The following ZDHHC13 variants were observed in gnomAD, a reference collection of about 807,000 sequenced individuals.
The protein encoded by ZDHHC13 is palmitoyltransferase ZDHHC13.
Under a neutral mutation model 86.0 loss-of-function variants are expected in ZDHHC13, and 85 were observed. That is an observed-to-expected ratio of 0.99 (90% CI 0.83 to 1.18). The LOEUF (loss-of-function observed/expected upper bound fraction) is 1.18. ZDHHC13 is among the 50% of genes most tolerant of loss of function. The pLI, the probability that ZDHHC13 is intolerant of heterozygous loss-of-function variation, is 0.00. For missense variants in ZDHHC13, 711 were observed against 730.2 expected (o/e 0.97, Z 0.30); for synonymous variants, 263 against 246.4 (o/e 1.07, Z -0.63).
chr11:19,136,503 G>C (rs923133071), intron 1 of ZDHHC13, among the ~76,000 whole-genome samples: 13 of 152,184 alleles, frequency 8.5e-5, no homozygotes, highest in African/African-American at 2.9e-4. Flanking sequence ...CACTCTGCAG[G>C]CTATTATCCA....
chr11:19,143,853 C>T (rs1462231698), intron 2 of ZDHHC13, among the ~76,000 whole-genome samples: 1 of 152,142 alleles, frequency 6.6e-6, no homozygotes, highest in Non-Finnish European at 1.5e-5. Flanking sequence ...GTATTTTGTA[C>T]ATCAGACTAC....
intron 1 of ZDHHC13, 130 bp from the exon 2 acceptor site, chr11:19,142,848 A>G: frequency 4.0e-6 from 4 of 1,008,912 alleles, no homozygotes; most frequent in Non-Finnish European, 5.5e-6. Context: ...CATTCTCAGG[A>G]TACACTTCTA....
At chr11:19,127,763 C>T (rs1004249780) in intron 1 of ZDHHC13, among the ~76,000 whole-genome samples, 24 of 152,034 alleles carry the variant, frequency 1.6e-4, no homozygotes, top group African/African-American at 5.1e-4. Flanking sequence ...TAGTCATAGG[C>T]GTGCAGCCTT....
At chr11:19,135,131 G>A (rs927943273) in intron 1 of ZDHHC13, among the ~76,000 whole-genome samples, 2 of 152,226 alleles carry the variant, frequency 1.3e-5, no homozygotes, top group African/African-American at 2.4e-5. Flanking sequence ...CGCAGAAGAC[G>A]GGTGATTTCT....
chr11:19,147,677 A>G lies in ZDHHC13; in HGVS notation c.374+4A>G. The stretch of plus-strand genomic sequence containing the variant: ...CTCCTCTTCACTGGGCCATCCGGTA[A>G]GGTTTCTTTGAACACTGAAATTAAA... On this transcript the variant is annotated splice_donor_region_variant and intron_variant, in intron 4 of 16. Coordinates refer to ENST00000446113, the MANE Select transcript of ZDHHC13 (RefSeq NM_019028.3). 2 of 1,592,302 alleles carry G rather than the reference A, an allele frequency of 1.3e-6. No individual in the cohort carries two copies. The highest frequency in any genetic ancestry group is 1.7e-6 in the Non-Finnish European group (2 of 1,167,932).
chr11:19,152,232 C>G lies in ZDHHC13; in HGVS notation c.659C>G (p.Pro220Arg). The change falls in exon 7 of 17, where the codon CCA (proline) becomes CGA (arginine). Residue 220 changes from proline (P) to arginine (R), a missense_variant. Coordinates refer to ENST00000446113, the MANE Select transcript of ZDHHC13 (RefSeq NM_019028.3). ...NVVDKIHQNTPLHWAVAAGNV... is the reference protein window; with the variant it reads ...NVVDKIHQNTRLHWAVAAGNV... ...GTTGATAAAATACACCAAAACACTC[C>G]ACTTCACTGGGCAGTTGCAGCAGGA... 1 of 1,613,372 alleles carries G rather than the reference C, an allele frequency of 6.2e-7. No homozygotes were observed. The highest frequency in any genetic ancestry group is 8.5e-7 in the Non-Finnish European group (1 of 1,179,504).
intron 6 of ZDHHC13, 97 bp from the exon 7 acceptor site, chr11:19,152,061 A>G (rs1849622164): frequency 7.7e-7 from 1 of 1,301,304 alleles, no homozygotes; most frequent in African/African-American, 1.5e-5. Flanking sequence ...CTGAATGGTT[A>G]ATTGATGGCA....
intron 3 of ZDHHC13, 35 bp downstream of exon 3, chr11:19,146,338 T>C (rs1849466269): frequency 1.3e-6 from 2 of 1,595,338 alleles, no homozygotes; most frequent in Non-Finnish European, 1.7e-6. Context: ...TGTGTATTTA[T>C]AATTTTAGAC....
chr11:19,149,397 T>G, intron 5 of ZDHHC13, 66 bp downstream of exon 5: 1 of 1,371,962 alleles, frequency 7.3e-7, no homozygotes, highest in Non-Finnish European at 9.6e-7. Context: ...AAATTATTAG[T>G]AGTAGTCTCT....
At chr11:19,136,452 G>T (rs1849144125) in intron 1 of ZDHHC13, among the ~76,000 whole-genome samples, 1 of 152,218 alleles carries the variant, frequency 6.6e-6, no homozygotes, top group South Asian at 2.1e-4. Context: ...TCTGATTGGT[G>T]TACCTGAAAG....
chr11:19,120,867 A>T (rs1413839673), intron 1 of ZDHHC13, among the ~76,000 whole-genome samples: 1 of 152,210 alleles, frequency 6.6e-6, no homozygotes, highest in Non-Finnish European at 1.5e-5. Flanking sequence ...GAGGAAGTAA[A>T]ATGGAATAGA....
At chr11:19,174,178 C>G (rs751990096) in intron 16 of ZDHHC13, among the ~76,000 whole-genome samples, 9 of 152,202 alleles carry the variant, frequency 5.9e-5, no homozygotes, top group Non-Finnish European at 1.0e-4. Context: ...AAACACCAGA[C>G]AAAGGGATGA....
chr11:19,122,942 G>A (rs1321581582), intron 1 of ZDHHC13, among the ~76,000 whole-genome samples: 2 of 152,010 alleles, frequency 1.3e-5, no homozygotes, highest in African/African-American at 4.8e-5. Flanking sequence ...ATCTGCATGC[G>A]GGTAAACAAT....
chr11:19,129,511 A>G (rs539363801), intron 1 of ZDHHC13, among the ~76,000 whole-genome samples: 163 of 152,222 alleles, frequency 1.1e-3, no homozygotes, highest in Non-Finnish European at 2.2e-3. Flanking sequence ...TAAATGCTTT[A>G]TTCTACTGTG....
chr11:19,153,489 A>G (rs1230806246), intron 8 of ZDHHC13, among the ~76,000 whole-genome samples: 2 of 152,242 alleles, frequency 1.3e-5, no homozygotes, highest in Non-Finnish European at 2.9e-5. Context: ...GTAGAGGATC[A>G]TCATGAATGC....
At chr11:19,131,206 G>A (rs970059812) in intron 1 of ZDHHC13, among the ~76,000 whole-genome samples, 1 of 152,186 alleles carries the variant, frequency 6.6e-6, no homozygotes, top group Non-Finnish European at 1.5e-5. Context: ...TTTCAGTAGA[G>A]ACGGGGTTTC....
rs367839254 is a variant in ZDHHC13 at position 19,152,661 on chromosome 11, T to A, written c.850T>A (p.Trp284Arg). Residue 284 changes from tryptophan to arginine, a missense_variant, in exon 8 of 17, where the codon TGG (tryptophan) becomes AGG (arginine). Physicochemically the swap from Trp to Arg is moderately radical, Grantham distance 101. Coordinates refer to ENST00000446113, the MANE Select transcript of ZDHHC13 (RefSeq NM_019028.3). ...GAGAGCCAACCAAAAGTTCAGACTT[T>A]GGAGGTGGCTGCAGAAATGCGAGGT... ...KMRANQKFRL[W>R]RWLQKCELFL... 5.0e-6 allele frequency: 8 copies of A among 1,613,220 alleles called. No homozygotes were observed. The African/African-American group carries it at 1.1e-4, about 22-fold the overall frequency.
At chr11:19,142,357 C>G (rs1183839813) in intron 1 of ZDHHC13, among the ~76,000 whole-genome samples, 1 of 152,152 alleles carries the variant, frequency 6.6e-6, no homozygotes, top group African/African-American at 2.4e-5. Context: ...CTTCAGTTGG[C>G]TAAGACAGAG....
Position 19,143,096 on chromosome 11 carries a change from G to A in ZDHHC13, c.146G>A (p.Ser49Asn). 6.2e-7 allele frequency: 1 copy of A among 1,613,018 alleles called. No homozygotes were observed. Among genetic ancestry groups the A allele is most frequent in the Non-Finnish European group, 8.5e-7 (1 of 1,179,368 alleles). Residue 49 changes from serine to asparagine, a missense_variant, in exon 2 of 17, where the codon AGT becomes AAT. By Grantham distance (46) the Ser-to-Asn change is conservative. Transcript: ENST00000446113. Reference protein sequence around the residue: ...REALPLIEDSSNCDIVKATQY... With the variant: ...REALPLIEDSNNCDIVKATQY... ...GCTCTTCCTCTTATAGAGGACTCTA[G>A]TAACTGTGACATTGTCAAAGCTACT...
Sources: gnomAD v4.1 joint callset for allele counts (sites outside exome capture counted in the v4.1 genomes callset) on GRCh38, gnomAD v4.1.1 for gene constraint, MANE v1.5 for transcripts, NCBI Gene and HGNC (gene_info 2026-07-23, HGNC 2026-07-21) for gene names.